UFM1: variants seen among roughly 807,000 people sequenced by gnomAD.
UFM1 encodes ubiquitin fold modifier 1, also known as ubiquitin-fold modifier 1.
A neutral mutation model predicts 15.4 loss-of-function variants in UFM1; 9 were observed. The ratio of observed to expected loss-of-function variants is 0.59; its 90% CI spans 0.35 to 1.02. UFM1 has a LOEUF of 1.02. Among genes scored for constraint, UFM1 ranks in the 50% least tolerant of loss-of-function variants. The pLI, the probability that UFM1 is intolerant of heterozygous loss-of-function variation, is 0.02. For synonymous variants in UFM1, 27 were observed against 36.3 expected, an observed-to-expected ratio of 0.74 and a Z score of 0.92; for missense variants, 98 against 104.7, an observed-to-expected ratio of 0.94 and a Z score of 0.28.
intron 3 of UFM1, among the ~76,000 whole-genome samples, chr13:38,355,526 G>A (rs1316471529): frequency 6.6e-6 from 1 of 151,824 alleles, no homozygotes; most frequent in Non-Finnish European, 1.5e-5. Context: ...GTTACTCATT[G>A]TGTGTCCTTT....
Position 38,362,108 on chromosome 13 carries a change from C to CTCCT in UFM1, c.*1331_*1334dup, listed in dbSNP as rs1566035780. The CTCCT allele has an allele frequency of 6.6e-6, 1 of 152,164 alleles. No homozygotes were observed. The highest frequency in any genetic ancestry group is 1.5e-5 in the Non-Finnish European group (1 of 68,026). 9.4% of individuals were successfully genotyped at this position (152,164 alleles called of 1,614,324 possible). A position where few individuals can be genotyped will look rare whatever the true frequency, so the allele number is the denominator to read the frequency against. On this transcript the variant is annotated 3_prime_UTR_variant, in exon 6 of 6. Transcript: ENST00000239878. Reference sequence around the variant, plus strand: ...TAATGATTCAGAATCAGTGCTTGACCTCCTGTATTCTGAATGGTGAACTCT... The same window carrying CTCCT: ...TAATGATTCAGAATCAGTGCTTGACCTCCTTCCTGTATTCTGAATGGTGAACTCT...
rs1209160023 is a variant in UFM1 at position 38,350,372 on chromosome 13, T to C, written c.59+317T>C. ...ACAGGTGGACCAGGTTCTGGTAATT[T>C]GTTGGGATTCTTAAACAGTCCCCAT... On this transcript the variant is annotated intron_variant, in intron 2 of 5. Coordinates refer to ENST00000239878, the MANE Select transcript of UFM1 (RefSeq NM_016617.4). 8 of 891,128 alleles carry C rather than the reference T, an allele frequency of 9.0e-6. No homozygotes were observed. The African/African-American group carries it at 1.3e-4, about 15-fold the overall frequency. The allele number at this position is 891,128 out of a possible 1,614,324, so 55.2% of individuals were successfully genotyped here.
Position 38,358,132 on chromosome 13 carries a change from G to T in UFM1, c.157G>T (p.Asp53Tyr). The T allele has an allele frequency of 1.4e-6, 2 of 1,443,662 alleles. No homozygotes were observed. The highest frequency in any genetic ancestry group is 1.5e-5 in the African/African-American group (1 of 68,082). 89.4% of individuals were successfully genotyped at this position (1,443,662 alleles called of 1,614,324 possible). The change falls in exon 4 of 6, where the codon GAT becomes TAT. Residue 53 changes from aspartate to tyrosine, a missense_variant and splice_region_variant. Coordinates refer to ENST00000239878, the MANE Select transcript of UFM1 (RefSeq NM_016617.4). ...PAATSAIITN[D>Y]GIGINPAQTA... ...TGCAACAAGTGCAATTATTACCAAT[G>T]GTAAGAATTCACTATAAAATTATGT...
intron 2 of UFM1, among the ~76,000 whole-genome samples, chr13:38,351,369 T>C (rs1157477963): frequency 6.6e-6 from 1 of 152,206 alleles, no homozygotes; most frequent in African/African-American, 2.4e-5. Context: ...GTTTGCTCAT[T>C]TTCCTCCTTA....
chr13:38,359,242 AC>A, intron 4 of UFM1, 58 bp from the exon 5 acceptor site: 1 of 1,550,416 alleles, frequency 6.4e-7, no homozygotes. Flanking sequence ...TTTCCTTGCT[AC>A]TATTTAACCA....
intron 2 of UFM1, among the ~76,000 whole-genome samples, chr13:38,353,402 G>T (rs1878952349): frequency 6.6e-6 from 1 of 151,974 alleles, no homozygotes; most frequent in Non-Finnish European, 1.5e-5. Flanking sequence ...TTACCTTAGG[G>T]ATCTTATTTT....
intron 2 of UFM1, among the ~76,000 whole-genome samples, chr13:38,353,581 C>T (rs985462316): frequency 3.3e-5 from 5 of 151,676 alleles, no homozygotes; most frequent in African/African-American, 1.2e-4. Context: ...AAATACTTGC[C>T]GTTATATGAG....
intron 3 of UFM1, among the ~76,000 whole-genome samples, chr13:38,356,319 CT>C (rs1249647979): frequency 6.6e-6 from 1 of 151,790 alleles, no homozygotes; most frequent in Non-Finnish European, 1.5e-5. Context: ...AGTACTCTAG[CT>C]TTGGAAATCT....
intron 3 of UFM1, 96 bp downstream of exon 3, chr13:38,354,392 C>T: frequency 1.0e-6 from 1 of 995,894 alleles, no homozygotes; most frequent in Non-Finnish European, 1.5e-6. Context: ...CCATCATTTC[C>T]ATGTGGCTTC....
intron 2 of UFM1, among the ~76,000 whole-genome samples, chr13:38,350,940 A>G (rs1383809759): frequency 6.6e-6 from 1 of 152,138 alleles, no homozygotes; most frequent in Non-Finnish European, 1.5e-5. Context: ...GCAGCCTAGA[A>G]CCTTAAGATT....
chr13:38,357,512 G>GGT (rs1456077507), intron 3 of UFM1, among the ~76,000 whole-genome samples: 2 of 2,890 alleles, frequency 6.9e-4, no homozygotes, highest in Non-Finnish European at 2.6e-3. Flanking sequence ...TATAATACAG[G>GGT]GTTTTTTTTT....
intron 2 of UFM1, among the ~76,000 whole-genome samples, chr13:38,350,781 A>G (rs774182127): frequency 1.3e-5 from 2 of 152,216 alleles, no homozygotes; most frequent in Non-Finnish European, 2.9e-5. Flanking sequence ...TTTTTTGCAT[A>G]ATTAATTAGT....
intron 5 of UFM1, chr13:38,360,179 CT>C: frequency 4.4e-6 from 1 of 227,580 alleles, no homozygotes; most frequent in East Asian, 1.4e-4. Flanking sequence ...GTATGGATGC[CT>C]TTAAACTTAG....
At chr13:38,358,812 A>G (rs9532209) in intron 4 of UFM1, among the ~76,000 whole-genome samples, 120,315 of 151,926 alleles carry the variant, frequency 0.79, 53,641 homozygotes, top group East Asian at 0.99. Context: ...ATTCTGTCAC[A>G]TTGAAGTGTT....
At chr13:38,349,959 C>T (rs1878742187) in intron 1 of UFM1, 38 bp downstream of exon 1, 1 of 1,614,034 alleles carries the variant, frequency 6.2e-7, no homozygotes, top group African/African-American at 1.3e-5. Flanking sequence ...ATTCCTGGTC[C>T]AGCTGCCCGA....
chr13:38,350,164 C>T lies in UFM1; in HGVS notation c.59+109C>T, dbSNP rs369545378. The T allele has an allele frequency of 1.1e-5, 17 of 1,614,004 alleles. No homozygotes were observed. Among genetic ancestry groups the T allele is most frequent in the Non-Finnish European group, 1.4e-5 (17 of 1,179,970 alleles). On this transcript the variant is annotated intron_variant, in intron 2 of 5. Transcript: ENST00000239878. ...ACCCCACGCAGTCTTCATCTCTTCACTTCATCTACTTTCCTGGCTCGCGCC... is the reference window on the plus strand; with the variant it reads ...ACCCCACGCAGTCTTCATCTCTTCATTTCATCTACTTTCCTGGCTCGCGCC...
intron 5 of UFM1, among the ~76,000 whole-genome samples, chr13:38,360,458 A>T (rs2140063100): frequency 1.3e-5 from 2 of 152,092 alleles, no homozygotes; most frequent in South Asian, 4.1e-4. Flanking sequence ...TAAATTATTC[A>T]CAGTTACTTG....
chr13:38,358,431 T>G (rs1194230782), intron 4 of UFM1, among the ~76,000 whole-genome samples: 1 of 151,288 alleles, frequency 6.6e-6, no homozygotes, highest in Admixed American at 6.6e-5. Flanking sequence ...TTAAGTAAAG[T>G]TGTTTGGTAA....
chr13:38,351,079 T>C (rs1408976515), intron 2 of UFM1, among the ~76,000 whole-genome samples: 1 of 152,340 alleles, frequency 6.6e-6, no homozygotes, highest in Non-Finnish European at 1.5e-5. Context: ...ACAGTGATTT[T>C]TTATCTGTAG....
Sources: gnomAD v4.1 joint callset for allele counts (sites outside exome capture counted in the v4.1 genomes callset) on GRCh38, gnomAD v4.1.1 for gene constraint, MANE v1.5 for transcripts, NCBI Gene and HGNC (gene_info 2026-07-23, HGNC 2026-07-21) for gene names.